Variants in STIP1 observed in about 807,000 individuals in gnomAD.
The protein encoded by STIP1 is stress-induced-phosphoprotein 1.
A neutral mutation model predicts 77.4 loss-of-function variants in STIP1; 16 were observed. The observed-to-expected ratio is 0.21, with a 90% CI of 0.14 to 0.31. The LOEUF (loss-of-function observed/expected upper bound fraction) is 0.31, where lower values mean the gene tolerates loss of function less well. STIP1 is among the 10% of genes least tolerant of loss of function. The pLI is 1.00. For missense variants in STIP1, 524 were observed against 684.8 expected, an observed-to-expected ratio of 0.77 and a Z score of 2.62; for synonymous variants, 258 against 246.6, an observed-to-expected ratio of 1.05 and a Z score of -0.44.
chr11:64,199,396 C>G lies in STIP1; in HGVS notation c.1024-544C>G, dbSNP rs1224512678. On this transcript the variant is annotated intron_variant, in intron 8 of 13. Transcript: ENST00000305218. The stretch of plus-strand genomic sequence containing the variant: ...TGGTGGGCGCCTGCAGTCCCAGCTA[C>G]TCGGGAGGCTGAGGCAGGAGAATGG... 4.1e-5 allele frequency among the ~76,000 whole-genome samples: 6 copies of G among 147,152 alleles called. No individual in the cohort carries two copies. In the Admixed American group the frequency reaches 4.1e-4, roughly 10 times the overall value.
intron 13 of STIP1, 191 bp from the exon 14 acceptor site, chr11:64,203,863 T>C: frequency 1.3e-6 from 1 of 784,864 alleles, no homozygotes; most frequent in Non-Finnish European, 2.0e-6. Context: ...GGAAGCTGTG[T>C]CGTGGGCTCA....
In STIP1 at chr11:64,193,411, C is replaced by T. The variant is rs1367200420; in HGVS notation, c.219+124C>T. 6 of 824,582 alleles carry T rather than the reference C, an allele frequency of 7.3e-6. No homozygotes were observed. In the East Asian group the frequency reaches 1.6e-4, roughly 22 times the overall value. The allele number at this position is 824,582 out of a possible 1,614,324, so 51.1% of individuals were successfully genotyped here. On this transcript the variant is annotated intron_variant, in intron 2 of 13. Transcript: ENST00000305218. ...CCTACCCACCTCCCTGTTTGAGTAT[C>T]CTCCTCAGAAATGGCATTTTTCATC...
At chr11:64,196,023 C>T (rs1156878314) in intron 5 of STIP1, 9 of 663,624 alleles carry the variant, frequency 1.4e-5, no homozygotes, top group Non-Finnish European at 2.3e-5. Flanking sequence ...AGCCACTGTG[C>T]CCACCTAAAA....
intron 1 of STIP1, among the ~76,000 whole-genome samples, chr11:64,189,824 C>A (rs966061198): frequency 1.3e-5 from 2 of 152,134 alleles, no homozygotes; most frequent in Non-Finnish European, 2.9e-5. Flanking sequence ...CACCAGCTGC[C>A]TCTTGACACC....
intron 10 of STIP1, 40 bp from the exon 11 acceptor site, chr11:64,202,836 A>G (rs753219025): frequency 3.7e-6 from 6 of 1,613,930 alleles, no homozygotes; most frequent in Admixed American, 1.7e-5. Context: ...GAGCTTGTCC[A>G]AGGGAATGAG....
intron 13 of STIP1, 22 bp from the exon 14 acceptor site, chr11:64,204,032 G>T: frequency 6.2e-7 from 1 of 1,613,650 alleles, no homozygotes; most frequent in Non-Finnish European, 8.5e-7. Flanking sequence ...CTCATTTCAA[G>T]TAACTGCGTC....
At position 64,200,230 on chromosome 11, in the gene STIP1, C is replaced by T; in HGVS notation, c.1182C>T (p.Ala394=). The change falls in exon 10 of 14, where the codon GCC becomes GCT. Residue 394 remains alanine, a synonymous_variant. Transcript: ENST00000305218. ...TEAIKRNPKD[A]KLYSNRAACY... ...CCATCAAAAGGAACCCGAAAGATGC[C>T]AAATTATACAGCAATCGAGCTGCCT... is the stretch of plus-strand genomic sequence containing the variant. 6.2e-7 allele frequency: 1 copy of T among 1,614,142 alleles called. No homozygotes were observed. Among genetic ancestry groups the T allele is most frequent in the Non-Finnish European group, 8.5e-7 (1 of 1,180,020 alleles).
At chr11:64,185,710 CA>C, upstream of STIP1, 2 of 1,409,132 alleles carry the variant, frequency 1.4e-6, no homozygotes, top group Non-Finnish European at 1.9e-6. Flanking sequence ...TCCCATATAT[CA>C]GGGGCGGGGC....
chr11:64,200,087 G>A (rs369748130), intron 9 of STIP1, 51 bp downstream of exon 9: 113 of 1,613,298 alleles, frequency 7.0e-5, no homozygotes, highest in Admixed American at 3.3e-4. Context: ...TGTGCCTCCC[G>A]TGCCTGGCTG....
chr11:64,203,390 G>T, intron 12 of STIP1, 60 bp from the exon 13 acceptor site: 1 of 1,606,662 alleles, frequency 6.2e-7, no homozygotes. Flanking sequence ...TCTTGGACCT[G>T]CTGAAGCAGT....
At chr11:64,196,426 G>A (rs1946151295) in intron 5 of STIP1, among the ~76,000 whole-genome samples, 1 of 150,148 alleles carries the variant, frequency 6.7e-6, no homozygotes, top group African/African-American at 2.4e-5. Flanking sequence ...CTTCACAAGA[G>A]CATTCCTAGG....
At chr11:64,199,884 A>G in intron 8 of STIP1, 56 bp from the exon 9 acceptor site, 1 of 1,601,560 alleles carries the variant, frequency 6.2e-7, no homozygotes, top group South Asian at 1.1e-5. Flanking sequence ...TTTTAAGCCC[A>G]ATATTTAGAT....
At chr11:64,194,672 T>G in intron 4 of STIP1, 52 bp downstream of exon 4, 1 of 1,595,992 alleles carries the variant, frequency 6.3e-7, no homozygotes, top group South Asian at 1.1e-5. Context: ...TGTTATGCTT[T>G]CTTCCTGTAA....
chr11:64,203,180 A>C lies in STIP1; in HGVS notation c.1338A>C (p.Lys446Asn). 6.2e-7 allele frequency: 1 copy of C among 1,614,224 alleles called. No individual in the cohort carries two copies. Among genetic ancestry groups the C allele is most frequent in the Non-Finnish European group, 8.5e-7 (1 of 1,180,046 alleles). The change falls in exon 12 of 14, where the codon AAA becomes AAC. Residue 446 changes from lysine (K) to asparagine (N), a missense_variant. Lys to Asn is a moderately conservative substitution (Grantham distance 94, BLOSUM62 0). Coordinates refer to ENST00000305218, the MANE Select transcript of STIP1 (RefSeq NM_006819.3). Reference protein sequence around the residue: ...AALEAMKDYTKAMDVYQKALD... With the variant: ...AALEAMKDYTNAMDVYQKALD... Reference sequence around the variant, plus strand: ...TGGAAGCGATGAAGGACTACACCAAAGCCATGGATGTGTACCAGAAGGCGC... The same window carrying C: ...TGGAAGCGATGAAGGACTACACCAACGCCATGGATGTGTACCAGAAGGCGC...
chr11:64,193,348 T>G, intron 2 of STIP1, 61 bp downstream of exon 2: 2 of 1,527,842 alleles, frequency 1.3e-6, no homozygotes, highest in Middle Eastern at 1.7e-4. Flanking sequence ...TGCCTTTTGG[T>G]GGCCTGAGGT....
At chr11:64,189,294 G>A (rs1946064101) in intron 1 of STIP1, among the ~76,000 whole-genome samples, 1 of 152,162 alleles carries the variant, frequency 6.6e-6, no homozygotes, top group Non-Finnish European at 1.5e-5. Context: ...CCGGGAGGCG[G>A]ACCTTGAAGT....
chr11:64,190,001 C>CTTTTTTTTTTTTTTT (rs149110413), intron 1 of STIP1, among the ~76,000 whole-genome samples: 1 of 147,462 alleles, frequency 6.8e-6, no homozygotes, highest in Non-Finnish European at 1.5e-5. Context: ...AATCATTTCT[C>CTTTTTTTTTTTTTTT]TCTTTTTTTT....
rs541754056 is a variant in STIP1 at position 64,203,971 on chromosome 11, G to C, written c.1560-83G>C. The C allele has an allele frequency of 5.9e-6, 9 of 1,525,370 alleles. No homozygotes were observed. The African/African-American group carries it at 1.2e-4, about 21-fold the overall frequency. 94.5% of individuals were successfully genotyped at this position (1,525,370 alleles called of 1,614,324 possible). A position where few individuals can be genotyped will look rare whatever the true frequency, so the allele number is the denominator to read the frequency against. On this transcript the variant is annotated intron_variant, in intron 13 of 13. Coordinates refer to ENST00000305218, the MANE Select transcript of STIP1 (RefSeq NM_006819.3). ...CCTCCCTGCCGGGGCCTTCTGTAGA[G>C]GGGGTTGAATTGGGGCTTGCTCTGA...
At chr11:64,195,409 C>T (rs1368759739) in intron 4 of STIP1, among the ~76,000 whole-genome samples, 1 of 152,174 alleles carries the variant, frequency 6.6e-6, no homozygotes, top group Non-Finnish European at 1.5e-5. Flanking sequence ...AGCCACCGTG[C>T]TCCGCTATCT....
Sources: allele counts gnomAD v4.1 joint callset (sites outside exome capture counted in the v4.1 genomes callset), GRCh38; gene constraint gnomAD v4.1.1; transcripts MANE v1.5; gene names NCBI Gene and HGNC (gene_info 2026-07-23, HGNC 2026-07-21).